Variants in ARFGEF2 observed in about 807,000 individuals in gnomAD.
ARFGEF2 encodes the protein ARF guanine nucleotide exchange factor 2, also known as brefeldin A-inhibited guanine nucleotide-exchange protein 2.
ARFGEF2 carries 74 observed loss-of-function variants against 219.9 expected under a neutral mutation model. That is an observed-to-expected ratio of 0.34 (90% CI 0.28 to 0.41). The LOEUF (loss-of-function observed/expected upper bound fraction) is 0.41. Among genes scored for constraint, ARFGEF2 ranks in the 10% least tolerant of loss-of-function variants. The pLI, the probability that ARFGEF2 is intolerant of heterozygous loss-of-function variation, is 1.00. For missense variants in ARFGEF2, 1,743 were observed against 2,218.3 expected (o/e 0.79, Z 4.30); for synonymous variants, 733 against 799.2 (o/e 0.92, Z 1.40).
intron 1 of ARFGEF2, among the ~76,000 whole-genome samples, chr20:48,928,906 G>A (rs1448908826): frequency 6.6e-6 from 1 of 152,202 alleles, no homozygotes; most frequent in African/African-American, 2.4e-5. Context: ...AGCAGTGGTT[G>A]GATAGAATGA....
chr20:48,992,965 G>A (rs952572538), intron 21 of ARFGEF2, among the ~76,000 whole-genome samples: 6 of 152,146 alleles, frequency 3.9e-5, no homozygotes, highest in African/African-American at 1.2e-4. Context: ...CAGCAGGATT[G>A]CTTGAGCCCA....
chr20:49,018,969 A>G lies in ARFGEF2; in HGVS notation c.4595A>G (p.Asp1532Gly), dbSNP rs145219415. 10 of 1,613,904 alleles carry G rather than the reference A, an allele frequency of 6.2e-6. No homozygotes were observed. The Admixed American group carries it at 1.2e-4, about 19-fold the overall frequency. Residue 1532 changes from aspartate to glycine, a missense_variant, in exon 34 of 39, where the codon GAT (aspartate) becomes GGT (glycine). Asp to Gly is a moderately conservative substitution (Grantham distance 94). Transcript: ENST00000371917. ...RGQSQLSNPT[D>G]DSWKGRPYAN... ...CAGAGCCAGCTCTCTAACCCAACAG[A>G]TGACAGCTGGAAGGGTAGACCATAC...
chr20:48,950,862 GCACACACA>G (rs149975227), intron 3 of ARFGEF2, among the ~76,000 whole-genome samples: 2 of 95,506 alleles, frequency 2.1e-5, no homozygotes, highest in East Asian at 6.1e-4. Context: ...GTATATACAT[GCACACACA>G]CACACACACA....
Position 48,998,365 on chromosome 20 carries a change from T to C in ARFGEF2, c.3292T>C (p.Ser1098Pro), listed in dbSNP as rs1325196204. The change falls in exon 25 of 39, where the codon TCC becomes CCC. Residue 1098 changes from serine (S) to proline (P), a missense_variant. Around this residue, in one of 5 missense-constraint regions of ARFGEF2, gnomAD observed 666 missense variants for 955.4 expected, o/e 0.70. Transcript: ENST00000371917. ...VDFVRWLCAV[S>P]MDELASPHHP... Reference sequence around the variant, plus strand: ...CTTTGTCCGCTGGCTGTGTGCTGTGTCCATGGATGAACTGGCTTCCCCCCA... The same window carrying C: ...CTTTGTCCGCTGGCTGTGTGCTGTGCCCATGGATGAACTGGCTTCCCCCCA... 6.2e-7 allele frequency: 1 copy of C among 1,614,058 alleles called. No homozygotes were observed. Among genetic ancestry groups the C allele is most frequent in the Non-Finnish European group, 8.5e-7 (1 of 1,180,036 alleles).
intron 6 of ARFGEF2, among the ~76,000 whole-genome samples, chr20:48,962,483 A>G (rs2091159702): frequency 1.3e-5 from 2 of 152,204 alleles, no homozygotes; most frequent in South Asian, 4.1e-4. Flanking sequence ...TATATTTAAA[A>G]TACATAATAA....
At position 49,034,618 on chromosome 20, in the gene ARFGEF2, C is replaced by G. The variant is rs1203588563; in HGVS notation, c.*1419C>G. 6.6e-6 allele frequency: 1 copy of G among 152,198 alleles called. No individual in the cohort carries two copies. Among genetic ancestry groups the G allele is most frequent in the Non-Finnish European group, 1.5e-5 (1 of 68,034 alleles). 9.4% of individuals were successfully genotyped at this position (152,198 alleles called of 1,614,324 possible). A position where few individuals can be genotyped will look rare whatever the true frequency, so the allele number is the denominator to read the frequency against. On this transcript the variant is annotated 3_prime_UTR_variant, in exon 39 of 39. Coordinates refer to ENST00000371917, the MANE Select transcript of ARFGEF2 (RefSeq NM_006420.3). ...AATGATTAAAACTTTCAGACTTCTA[C>G]CTATGCTCTTTAGTCCTGTAAATTG...
At chr20:48,938,338 TC>T (rs2090972961) in intron 1 of ARFGEF2, among the ~76,000 whole-genome samples, 1 of 152,216 alleles carries the variant, frequency 6.6e-6, no homozygotes, top group Non-Finnish European at 1.5e-5. Flanking sequence ...CACTTTCTCC[TC>T]GGCTCTTCTC....
intron 23 of ARFGEF2, 57 bp downstream of exon 23, chr20:48,995,939 G>C: frequency 2.1e-6 from 3 of 1,438,342 alleles, no homozygotes; most frequent in African/African-American, 2.8e-5. Context: ...TGGCCTCTCT[G>C]TAGTTACTGG....
intron 2 of ARFGEF2, 140 bp from the exon 3 acceptor site, chr20:48,941,724 A>T: frequency 8.0e-7 from 1 of 1,242,346 alleles, no homozygotes; most frequent in Non-Finnish European, 1.2e-6. Flanking sequence ...TTGCTAATGC[A>T]TGTATTCAAC....
intron 28 of ARFGEF2, among the ~76,000 whole-genome samples, chr20:49,012,496 T>TTTTG (rs112755167): frequency 0.46 from 44,411 of 97,598 alleles, 6,888 homozygotes; most frequent in East Asian, 0.59. Context: ...ATGATGGGGT[T>TTTTG]TTTGTTTGTT....
chr20:49,012,385 A>G (rs2091504899), intron 28 of ARFGEF2, among the ~76,000 whole-genome samples: 1 of 152,228 alleles, frequency 6.6e-6, no homozygotes, highest in African/African-American at 2.4e-5. Flanking sequence ...AGACGTTTCT[A>G]TTTGAAAGAA....
At chr20:48,992,180 A>G (rs753495493) in intron 21 of ARFGEF2, among the ~76,000 whole-genome samples, 33 of 152,230 alleles carry the variant, frequency 2.2e-4, no homozygotes, top group Non-Finnish European at 4.3e-4. Flanking sequence ...ACAAGTTGTT[A>G]TAAGAGATTG....
intron 14 of ARFGEF2, among the ~76,000 whole-genome samples, chr20:48,983,320 A>G (rs962745767): frequency 6.6e-6 from 1 of 152,166 alleles, no homozygotes; most frequent in Non-Finnish European, 1.5e-5. Context: ...ACATCAACAC[A>G]TACACAATCA....
At chr20:49,020,847 T>A (rs1206420392) in intron 34 of ARFGEF2, among the ~76,000 whole-genome samples, 2 of 152,188 alleles carry the variant, frequency 1.3e-5, no homozygotes, top group African/African-American at 4.8e-5. Context: ...AGTGAGAGTC[T>A]ACACTCTGAG....
At chr20:48,983,470 C>A (rs2091308850) in intron 14 of ARFGEF2, among the ~76,000 whole-genome samples, 1 of 152,158 alleles carries the variant, frequency 6.6e-6, no homozygotes, top group Non-Finnish European at 1.5e-5. Context: ...TGTATTCTGC[C>A]CACAGCAGCT....
At chr20:49,000,307 G>C (rs1293019192) in intron 25 of ARFGEF2, among the ~76,000 whole-genome samples, 1 of 152,176 alleles carries the variant, frequency 6.6e-6, no homozygotes, top group African/African-American at 2.4e-5. Context: ...TTCATGCTGG[G>C]CAGTGGACAG....
chr20:48,923,541 ATG>A (rs1568683480), intron 1 of ARFGEF2, among the ~76,000 whole-genome samples: 1 of 152,188 alleles, frequency 6.6e-6, no homozygotes, highest in Non-Finnish European at 1.5e-5. Flanking sequence ...ATTTACTGAG[ATG>A]TAGATTTTTA....
At chr20:48,976,566 T>TA (rs2091263344) in intron 14 of ARFGEF2, among the ~76,000 whole-genome samples, 1 of 152,140 alleles carries the variant, frequency 6.6e-6, no homozygotes, top group African/African-American at 2.4e-5. Flanking sequence ...CCCAGCACTT[T>TA]AGGAGGCTGA....
chr20:48,949,894 A>G (rs560671837), intron 3 of ARFGEF2, among the ~76,000 whole-genome samples: 36 of 152,314 alleles, frequency 2.4e-4, no homozygotes, highest in Non-Finnish European at 4.7e-4. Flanking sequence ...GTTCACATGT[A>G]TATGTGCCAG....
Sources: allele counts gnomAD v4.1 joint callset (sites outside exome capture counted in the v4.1 genomes callset), GRCh38; gene constraint gnomAD v4.1.1; regional missense constraint gnomAD v4.1.1; transcripts MANE v1.5; gene names NCBI Gene and HGNC (gene_info 2026-07-23, HGNC 2026-07-21).